The following NUP133 variants were observed in gnomAD, a reference collection of about 807,000 sequenced individuals.
The protein encoded by NUP133 is nucleoporin 133, also known as nuclear pore complex protein Nup133.
In NUP133, 66 loss-of-function variants were observed where a neutral mutation model predicts 146.2. That is an observed-to-expected ratio of 0.45 (90% CI 0.37 to 0.55). The LOEUF (loss-of-function observed/expected upper bound fraction) is 0.55. Ranked by LOEUF, NUP133 falls within the 20% of genes least tolerant of loss-of-function variation. The pLI is 0.00. For synonymous variants in NUP133, 521 were observed against 498.8 expected, an observed-to-expected ratio of 1.04 and a Z score of -0.59; for missense variants, 1,277 against 1,374.8, an observed-to-expected ratio of 0.93 and a Z score of 1.12.
At chr1:229,477,490 A>C (rs1192226974) in intron 13 of NUP133, 107 bp downstream of exon 13, 5 of 771,942 alleles carry the variant, frequency 6.5e-6, no homozygotes, top group Non-Finnish European at 9.4e-6. Context: ...ATATTGAATT[A>C]ATATTAAATT....
chr1:229,503,701 G>GT (rs1661862834), intron 2 of NUP133, among the ~76,000 whole-genome samples: 4 of 152,234 alleles, frequency 2.6e-5, no homozygotes, highest in Admixed American at 2.6e-4. Flanking sequence ...TATCTGCTCA[G>GT]TAATTTTCTT....
chr1:229,495,569 C>T lies in NUP133; in HGVS notation c.976-4G>A. On this transcript the variant is annotated splice_polypyrimidine_tract_variant and splice_region_variant and intron_variant, in intron 7 of 25. Transcript: ENST00000261396. ...CTTCATAGTTACTTTCAGATCCCTACATGAAAATATCAATAATGTAAGCTT... is the reference window on the plus strand; with the variant it reads ...CTTCATAGTTACTTTCAGATCCCTATATGAAAATATCAATAATGTAAGCTT... 1 of 1,589,456 alleles carries T rather than the reference C, an allele frequency of 6.3e-7. No homozygotes were observed. The highest frequency in any genetic ancestry group is 8.6e-7 in the Non-Finnish European group (1 of 1,158,808).
At chr1:229,481,914 C>A (rs570005067) in intron 12 of NUP133, among the ~76,000 whole-genome samples, 2 of 152,260 alleles carry the variant, frequency 1.3e-5, no homozygotes, top group East Asian at 3.9e-4. Context: ...AAGACACTTG[C>A]GTTGTTTGAA....
In NUP133 at chr1:229,475,685, C is replaced by T; in HGVS notation, c.1804G>A (p.Glu602Lys). ...NTSLIILHQL[E>K]DKMKAHSFLM... The stretch of plus-strand genomic sequence containing the variant: ...AAAGAGTGAGCTTTCATCTTGTCTT[C>T]TAGCTGGTGAAGGATAATCAGTGAC... The change falls in exon 14 of 26, where the codon GAA becomes AAA. Residue 602 changes from glutamate to lysine, a missense_variant. Around this residue, in one of 3 missense-constraint regions of NUP133, gnomAD observed 952 missense variants for 1,047.0 expected, o/e 0.91. Transcript: ENST00000261396. 6.2e-7 allele frequency: 1 copy of T among 1,614,186 alleles called. No homozygotes were observed. Among genetic ancestry groups the T allele is most frequent in the Middle Eastern group, 1.6e-4 (1 of 6,062 alleles).
chr1:229,507,119 A>C lies in NUP133; in HGVS notation c.182+949T>G, dbSNP rs551805831. On this transcript the variant is annotated intron_variant, in intron 1 of 25. Coordinates refer to ENST00000261396, the MANE Select transcript of NUP133 (RefSeq NM_018230.3). ...TCACAAGAAGAGATTTAAATAAAAC[A>C]ACACACAGTAAATAAAGTATGCTTT... Among the ~76,000 whole-genome samples the C allele has an allele frequency of 3.9e-5, 6 of 152,356 alleles. 1 individual carries two copies. The highest frequency in any genetic ancestry group is 1.2e-4 in the African/African-American group (5 of 41,576).
rs1571932284 is a variant in NUP133, at chr1:229,488,089, A to T, written c.1195-476T>A. Among the ~76,000 whole-genome samples the T allele has an allele frequency of 3.3e-5, 5 of 151,914 alleles. No individual in the cohort carries two copies. In the South Asian group the frequency reaches 1.0e-3, roughly 31 times the overall value. Reference sequence around the variant, plus strand: ...TTGAACTCCTGACCTCAGGTGATCCACCCACCTCAGCCTCCCAAAGTGCTG... The same window carrying T: ...TTGAACTCCTGACCTCAGGTGATCCTCCCACCTCAGCCTCCCAAAGTGCTG... On this transcript the variant is annotated intron_variant, in intron 9 of 25. Transcript: ENST00000261396.
At chr1:229,452,327 G>A (rs980355415) in intron 22 of NUP133, among the ~76,000 whole-genome samples, 198 bp downstream of exon 22, 37 of 152,168 alleles carry the variant, frequency 2.4e-4, no homozygotes, top group Non-Finnish European at 5.4e-4. Flanking sequence ...AGGTGTATGG[G>A]GAGGCAGATG....
intron 19 of NUP133, 151 bp from the exon 20 acceptor site, chr1:229,460,920 T>C (rs977478649): frequency 3.1e-6 from 2 of 650,920 alleles, no homozygotes; most frequent in African/African-American, 1.8e-5. Flanking sequence ...AATTCAATCA[T>C]CTCATTTGAC....
In NUP133 at chr1:229,499,594, T is replaced by C. The variant is rs181990906; in HGVS notation, c.648+90A>G. ...GAATTGCCTGGGCAACATAAGGAGA[T>C]CCCACCTCTATTTAAAAATAAAAAC... On this transcript the variant is annotated intron_variant, in intron 5 of 25. Coordinates refer to ENST00000261396, the MANE Select transcript of NUP133 (RefSeq NM_018230.3). 7.9e-5 allele frequency: 108 copies of C among 1,375,218 alleles called. No homozygotes were observed. In the African/African-American group the frequency reaches 1.2e-3, roughly 16 times the overall value. The allele number at this position is 1,375,218 out of a possible 1,614,324, so 85.2% of individuals were successfully genotyped here.
At chr1:229,452,979 T>C (rs544247442) in intron 21 of NUP133, among the ~76,000 whole-genome samples, 133 of 152,258 alleles carry the variant, frequency 8.7e-4, no homozygotes, top group Middle Eastern at 3.4e-3. Context: ...AGTGTGGAGA[T>C]CTCTCCATCA....
At position 229,498,355 on chromosome 1, in the gene NUP133, G is replaced by T. The variant is rs749214122; in HGVS notation, c.649-49C>A. On this transcript the variant is annotated intron_variant, in intron 5 of 25. Transcript: ENST00000261396. ...AGTTCAGTTTAGCATCGAATGCTAA[G>T]ATAAAATGAAAAATTCTTTGATACA... 3.8e-6 allele frequency: 5 copies of T among 1,324,044 alleles called. No individual in the cohort carries two copies. In the East Asian group the frequency reaches 7.8e-5, roughly 21 times the overall value. The allele number at this position is 1,324,044 out of a possible 1,614,324, so 82.0% of individuals were successfully genotyped here.
chr1:229,451,314 A>G (rs1004012389), intron 22 of NUP133, among the ~76,000 whole-genome samples: 27 of 151,954 alleles, frequency 1.8e-4, no homozygotes, highest in African/African-American at 6.5e-4. Flanking sequence ...TAGGAGGGTC[A>G]CCTGAGCTTG....
At chr1:229,480,491 T>C (rs1363557701) in intron 12 of NUP133, among the ~76,000 whole-genome samples, 1 of 152,018 alleles carries the variant, frequency 6.6e-6, no homozygotes, top group African/African-American at 2.4e-5. Context: ...CTAAATAAAA[T>C]GAAAACCAAA....
Position 229,508,071 on chromosome 1 carries a change from G to A in NUP133, c.179C>T (p.Ser60Leu), listed in dbSNP as rs1225946546. The change falls in exon 1 of 26, where the codon TCG (serine) becomes TTG (leucine). Residue 60 changes from serine (S) to leucine (L), a missense_variant. Ser to Leu is a moderately radical substitution (Grantham distance 145, BLOSUM62 -2). Transcript: ENST00000261396. ...CCCAACCAGGGAGATCACTTACCGC[G>A]AGCTTAGCGAGCTACGCCGGCCGAC... ...SPVGRRSSLS[S>L]RGTPTRMFPH... is the part of the protein sequence containing the mutation. 2.7e-6 allele frequency: 4 copies of A among 1,487,782 alleles called. No homozygotes were observed. The highest frequency in any genetic ancestry group is 2.9e-5 in the African/African-American group (2 of 69,384). The allele number at this position is 1,487,782 out of a possible 1,614,324, so 92.2% of individuals were successfully genotyped here. A position where few individuals can be genotyped will look rare whatever the true frequency, so the allele number is the denominator to read the frequency against.
intron 9 of NUP133, 131 bp from the exon 10 acceptor site, chr1:229,487,744 T>C: frequency 1.5e-6 from 1 of 666,390 alleles, no homozygotes; most frequent in South Asian, 2.0e-5. Context: ...ATCTGAACAC[T>C]ACCCATGAGA....
At chr1:229,492,638 G>A (rs556687910) in intron 8 of NUP133, among the ~76,000 whole-genome samples, 69 of 151,890 alleles carry the variant, frequency 4.5e-4, no homozygotes, top group Non-Finnish European at 7.4e-4. Flanking sequence ...ATTGGTCCAC[G>A]TTATTCTAAG....
chr1:229,458,092 A>G, intron 21 of NUP133, 69 bp downstream of exon 21: 1 of 1,497,246 alleles, frequency 6.7e-7, no homozygotes, highest in East Asian at 2.3e-5. Flanking sequence ...CTAACTGATG[A>G]CAGGAACACA....
At chr1:229,477,798 C>CAAAATTTTTTCTTGGTGAGTTTTG in intron 12 of NUP133, 38 bp from the exon 13 acceptor site, 1 of 1,504,928 alleles carries the variant, frequency 6.6e-7, no homozygotes, top group Non-Finnish European at 9.0e-7. Context: ...TTAAGGGAGG[C>CAAAATTTTTTCTTGGTGAGTTTTG]AAAATATTTT....
intron 19 of NUP133, among the ~76,000 whole-genome samples, chr1:229,462,333 T>C (rs1343592648): frequency 1.3e-5 from 2 of 152,264 alleles, no homozygotes; most frequent in African/African-American, 4.8e-5. Context: ...TGTTTGTTTA[T>C]AATACATAGA....
Sources: gnomAD v4.1 joint callset for allele counts (sites outside exome capture counted in the v4.1 genomes callset) on GRCh38, gnomAD v4.1.1 for gene constraint, gnomAD v4.1.1 regional missense constraint, MANE v1.5 for transcripts, NCBI Gene and HGNC (gene_info 2026-07-23, HGNC 2026-07-21) for gene names.